MEMO1: variants seen among roughly 807,000 people sequenced by gnomAD.
MEMO1 encodes the protein mediator of cell motility 1, also known as protein MEMO1.
A neutral mutation model predicts 45.2 loss-of-function variants in MEMO1; 6 were observed. The ratio of observed to expected loss-of-function variants is 0.13; its 90% CI spans 0.07 to 0.26. MEMO1 has a LOEUF of 0.26. Among genes scored for constraint, MEMO1 ranks in the 10% least tolerant of loss-of-function variants. The probability of loss-of-function intolerance (pLI) is 1.00; values close to 1 mark genes in which losing one functional copy is unlikely to be tolerated. For synonymous variants in MEMO1, 78 were observed against 124.3 expected (o/e 0.63, Z 2.48); for missense variants, 184 against 370.5 (o/e 0.50, Z 4.13).
At chr2:32,002,158 A>T (rs1268010910) in intron 2 of MEMO1, among the ~76,000 whole-genome samples, 9 of 126,498 alleles carry the variant, frequency 7.1e-5, no homozygotes, top group African/African-American at 2.6e-4. Flanking sequence ...AAAAAAAAAA[A>T]AAAAAAAAAA....
At chr2:31,920,996 A>G in intron 4 of MEMO1, 86 bp from the exon 5 acceptor site, 1 of 887,040 alleles carries the variant, frequency 1.1e-6, no homozygotes, top group Non-Finnish European at 1.7e-6. Flanking sequence ...TAATTCTTAC[A>G]AATCACTTGT....
chr2:31,878,129 G>C (rs1674825927), intron 8 of MEMO1, among the ~76,000 whole-genome samples: 1 of 152,144 alleles, frequency 6.6e-6, no homozygotes, highest in South Asian at 2.1e-4. Flanking sequence ...GAGAAGGTGA[G>C]AGCTAAGCAA....
chr2:31,990,391 T>C (rs1340486225), intron 2 of MEMO1, among the ~76,000 whole-genome samples: 1 of 152,156 alleles, frequency 6.6e-6, no homozygotes, highest in African/African-American at 2.4e-5. Context: ...TTGCTATTTT[T>C]AAATAAATTA....
intron 8 of MEMO1, among the ~76,000 whole-genome samples, chr2:31,875,592 T>C (rs1014954184): frequency 2.0e-5 from 3 of 152,110 alleles, no homozygotes; most frequent in South Asian, 2.1e-4. Flanking sequence ...CTGACCTCCA[T>C]CCACTTCATT....
intron 2 of MEMO1, among the ~76,000 whole-genome samples, chr2:31,988,887 G>T (rs1671599228): frequency 6.6e-6 from 1 of 152,014 alleles, no homozygotes; most frequent in Non-Finnish European, 1.5e-5. Context: ...TTACTCTTGG[G>T]TATCTGAAAG....
chr2:32,002,710 G>A (rs767974682), intron 2 of MEMO1, among the ~76,000 whole-genome samples: 10 of 152,026 alleles, frequency 6.6e-5, no homozygotes, highest in South Asian at 2.1e-4. Flanking sequence ...ACATACATAC[G>A]TAATATACCT....
chr2:31,976,276 A>C (rs974136310), intron 2 of MEMO1, among the ~76,000 whole-genome samples: 4 of 152,184 alleles, frequency 2.6e-5, no homozygotes. Flanking sequence ...ATAATTCAGA[A>C]CTATAAAGAA....
chr2:32,000,939 T>A (rs971372165), intron 2 of MEMO1, among the ~76,000 whole-genome samples: 1 of 152,020 alleles, frequency 6.6e-6, no homozygotes, highest in African/African-American at 2.4e-5. Flanking sequence ...CCTAGTCCCA[T>A]CAGCAGTGCC....
At chr2:31,958,692 C>A (rs188075956) in intron 2 of MEMO1, among the ~76,000 whole-genome samples, 226 of 152,244 alleles carry the variant, frequency 1.5e-3, no homozygotes, top group African/African-American at 5.3e-3. Flanking sequence ...GGCTCTATCA[C>A]CCTGGCCGGA....
chr2:31,949,642 CAAAAAAAAA>C (rs549686329), intron 2 of MEMO1, among the ~76,000 whole-genome samples: 5 of 108,972 alleles, frequency 4.6e-5, no homozygotes, highest in East Asian at 2.8e-4. Context: ...TTAATGGGTA[CAAAAAAAAA>C]AAAAAAAAAA....
chr2:31,880,593 C>T (rs542400761), intron 8 of MEMO1, among the ~76,000 whole-genome samples: 5 of 152,150 alleles, frequency 3.3e-5, no homozygotes, highest in Admixed American at 2.0e-4. Context: ...ATTGGTAGAG[C>T]TGATTTGAAC....
rs182020243 is a variant in MEMO1, at chr2:31,961,141, C to T, written c.62-17758G>A. 1.8e-3 allele frequency among the ~76,000 whole-genome samples: 269 copies of T among 149,698 alleles called. 1 individual carries two copies. Among genetic ancestry groups the T allele is most frequent in the African/African-American group, 6.2e-3 (253 of 40,788 alleles). ...GGGAGGCCAAGGCGGACAGATCACT[C>T]GAGGTCAGGAGTTCGAGACCAGCCT... On this transcript the variant is annotated intron_variant, in intron 2 of 9. Coordinates refer to ENST00000404530, the MANE Select transcript of MEMO1 (RefSeq NM_001301833.4).
At chr2:31,883,963 A>G (rs902595718) in intron 7 of MEMO1, among the ~76,000 whole-genome samples, 9 of 151,858 alleles carry the variant, frequency 5.9e-5, no homozygotes, top group Non-Finnish European at 1.2e-4. Context: ...TATGAAGTAA[A>G]TTTTTTAAAA....
intron 7 of MEMO1, among the ~76,000 whole-genome samples, chr2:31,891,172 T>C (rs973105977): frequency 1.3e-5 from 2 of 152,206 alleles, no homozygotes; most frequent in Non-Finnish European, 2.9e-5. Context: ...ATTTTAGGTT[T>C]CCTTATAATC....
intron 6 of MEMO1, among the ~76,000 whole-genome samples, chr2:31,904,357 C>T (rs1679350608): frequency 6.6e-6 from 1 of 152,166 alleles, no homozygotes; most frequent in Admixed American, 6.5e-5. Flanking sequence ...CTTCTGAGAG[C>T]CTGGAATTTT....
chr2:31,882,179 T>C (rs1029484868), intron 8 of MEMO1, among the ~76,000 whole-genome samples: 2 of 151,336 alleles, frequency 1.3e-5, no homozygotes, highest in African/African-American at 4.9e-5. Flanking sequence ...ATTAGTTGGG[T>C]ATGGTGGCAT....
intron 2 of MEMO1, among the ~76,000 whole-genome samples, chr2:31,978,279 C>T (rs545072149): frequency 6.6e-6 from 1 of 152,024 alleles, no homozygotes. Context: ...CCCAGCTACT[C>T]AGAAGGCTAT....
At chr2:32,003,156 T>C (rs1294401296) in intron 2 of MEMO1, among the ~76,000 whole-genome samples, 1 of 152,196 alleles carries the variant, frequency 6.6e-6, no homozygotes, top group Non-Finnish European at 1.5e-5. Flanking sequence ...AAACATTTTA[T>C]ACTCCTAAAC....
In MEMO1 at chr2:31,895,868, G is replaced by A. The variant is rs1382240077; in HGVS notation, c.438-3734C>T. Among the ~76,000 whole-genome samples, 102 of 125,008 alleles carry A rather than the reference G, an allele frequency of 8.2e-4. 1 individual carries two copies. The highest frequency in any genetic ancestry group is 3.0e-3 in the African/African-American group (95 of 31,872). 82.0% of individuals were successfully genotyped at this position (125,008 alleles called of 152,430 possible). A position where few individuals can be genotyped will look rare whatever the true frequency, so the allele number is the denominator to read the frequency against. On this transcript the variant is annotated intron_variant, in intron 6 of 9. Transcript: ENST00000404530. Reference sequence around the variant, plus strand: ...TTTTTTTTTTTTTTTTTTTTGAGACGGAGTCTCGCTGTCGCCCAGGCTGGA... The same window carrying A: ...TTTTTTTTTTTTTTTTTTTTGAGACAGAGTCTCGCTGTCGCCCAGGCTGGA...
Sources: gnomAD v4.1 joint callset for allele counts (sites outside exome capture counted in the v4.1 genomes callset) on GRCh38, gnomAD v4.1.1 for gene constraint, MANE v1.5 for transcripts, NCBI Gene and HGNC (gene_info 2026-07-23, HGNC 2026-07-21) for gene names.